TMEM135: variants seen among roughly 807,000 people sequenced by gnomAD.
TMEM135 encodes peroxisomal membrane protein 52.
TMEM135 carries 30 observed loss-of-function variants against 60.3 expected under a neutral mutation model. The observed-to-expected ratio is 0.50, with a 90% CI of 0.37 to 0.68. TMEM135 has a LOEUF of 0.68. Ranked by LOEUF, TMEM135 falls within the 30% of genes least tolerant of loss-of-function variation. The pLI, the probability that TMEM135 is intolerant of heterozygous loss-of-function variation, is 0.00. For synonymous variants in TMEM135, 190 were observed against 186.7 expected (o/e 1.02, Z -0.14); for missense variants, 468 against 548.8 (o/e 0.85, Z 1.47).
At chr11:87,191,000 A>G (rs1014562920) in intron 5 of TMEM135, among the ~76,000 whole-genome samples, 1 of 152,196 alleles carries the variant, frequency 6.6e-6, no homozygotes. Context: ...ATAGTTTACT[A>G]ATTTGCAACA....
intron 5 of TMEM135, among the ~76,000 whole-genome samples, chr11:87,229,653 A>G (rs1440749567): frequency 1.3e-5 from 2 of 152,158 alleles, no homozygotes; most frequent in Non-Finnish European, 2.9e-5. Flanking sequence ...GTATTTAGAA[A>G]TGTTTATTGC....
At chr11:87,124,605 T>G (rs761188166) in intron 4 of TMEM135, among the ~76,000 whole-genome samples, 6 of 152,208 alleles carry the variant, frequency 3.9e-5, no homozygotes, top group Non-Finnish European at 7.3e-5. Context: ...AAGGGTCGTG[T>G]GGAATAATCT....
chr11:87,093,596 T>C (rs1298594845), intron 4 of TMEM135, among the ~76,000 whole-genome samples: 1 of 152,110 alleles, frequency 6.6e-6, no homozygotes, highest in Non-Finnish European at 1.5e-5. Context: ...AGTGGTGTGA[T>C]ATTGGCTCAC....
At chr11:87,284,138 A>G (rs368759488) in intron 6 of TMEM135, among the ~76,000 whole-genome samples, 7 of 152,128 alleles carry the variant, frequency 4.6e-5, no homozygotes, top group African/African-American at 1.7e-4. Flanking sequence ...GTTGTTGCCT[A>G]TAGTTAATTT....
At chr11:87,229,326 A>T (rs979484245) in intron 5 of TMEM135, among the ~76,000 whole-genome samples, 1 of 151,992 alleles carries the variant, frequency 6.6e-6, no homozygotes, top group African/African-American at 2.4e-5. Flanking sequence ...CCAACCAGCC[A>T]ACCAAAAAAA....
intron 1 of TMEM135, among the ~76,000 whole-genome samples, chr11:87,064,141 C>T (rs1043903306): frequency 6.6e-6 from 1 of 152,092 alleles, no homozygotes; most frequent in African/African-American, 2.4e-5. Flanking sequence ...ACATTCCCAC[C>T]AGCACTTTAT....
intron 11 of TMEM135, among the ~76,000 whole-genome samples, chr11:87,313,903 T>G (rs1026583429): frequency 2.0e-5 from 3 of 151,870 alleles, no homozygotes; most frequent in African/African-American, 7.2e-5. Context: ...TTAAAAAATC[T>G]AAATATTATT....
chr11:87,169,231 C>T (rs1591073385), intron 5 of TMEM135, among the ~76,000 whole-genome samples: 2 of 148,656 alleles, frequency 1.3e-5, no homozygotes, highest in Non-Finnish European at 3.0e-5. Context: ...ACACAGCACA[C>T]TGATGGGTCT....
chr11:87,131,952 A>G (rs960831915), intron 4 of TMEM135, among the ~76,000 whole-genome samples: 6 of 152,066 alleles, frequency 3.9e-5, no homozygotes, highest in African/African-American at 7.2e-5. Flanking sequence ...TGAATTGCAC[A>G]TGTGAAGGAT....
intron 6 of TMEM135, among the ~76,000 whole-genome samples, chr11:87,262,497 T>C (rs141677419): frequency 1.3e-5 from 2 of 152,242 alleles, no homozygotes; most frequent in African/African-American, 2.4e-5. Context: ...CATTGGTTTA[T>C]TAGCCATTTC....
chr11:87,326,791 G>C lies in TMEM135; in HGVS notation c.*5458G>C, dbSNP rs1327010251. On this transcript the variant is annotated 3_prime_UTR_variant, in exon 15 of 15. Coordinates refer to ENST00000305494, the MANE Select transcript of TMEM135 (RefSeq NM_022918.4). ...AAGAAATTCAGTTGCATCTGAATCT[G>C]AGTCGGCAGTTTTTGATAGCCTGTC... The C allele has an allele frequency of 2.2e-6, 1 of 446,098 alleles. No homozygotes were observed. The highest frequency in any genetic ancestry group is 1.6e-5 in the South Asian group (1 of 62,122). The allele number at this position is 446,098 out of a possible 1,614,324, so 27.6% of individuals were successfully genotyped here.
chr11:87,318,553 A>G lies in TMEM135; in HGVS notation c.1176+318A>G, dbSNP rs374823147. Among the ~76,000 whole-genome samples the G allele has an allele frequency of 3.9e-5, 6 of 152,216 alleles. 1 individual carries two copies. Among genetic ancestry groups the G allele is most frequent in the African/African-American group, 1.4e-4 (6 of 41,552 alleles). ...TAATTATCCTTCCCTTTGATTAAAA[A>G]AAAAAGGATAATAGGGATATGCTGA... On this transcript the variant is annotated intron_variant, in intron 13 of 14. Transcript: ENST00000305494.
intron 5 of TMEM135, among the ~76,000 whole-genome samples, chr11:87,192,632 A>G (rs1328712841): frequency 1.3e-5 from 2 of 152,166 alleles, no homozygotes; most frequent in Non-Finnish European, 2.9e-5. Context: ...GATATCAGCT[A>G]TTATTTTATT....
intron 4 of TMEM135, among the ~76,000 whole-genome samples, chr11:87,101,943 A>G (rs1857467381): frequency 6.6e-6 from 1 of 152,170 alleles, no homozygotes; most frequent in Non-Finnish European, 1.5e-5. Context: ...ATTGCACTTC[A>G]GCCTGGGCAA....
At chr11:87,240,260 T>C (rs645710) in intron 6 of TMEM135, among the ~76,000 whole-genome samples, 99,729 of 151,494 alleles carry the variant, frequency 0.66, 33,392 homozygotes, top group Non-Finnish European at 0.71. Flanking sequence ...TGTATAATCT[T>C]AGTGGGCATT....
At chr11:87,041,839 T>A (rs1949752710) in intron 1 of TMEM135, among the ~76,000 whole-genome samples, 1 of 152,338 alleles carries the variant, frequency 6.6e-6, no homozygotes, top group South Asian at 2.1e-4. Flanking sequence ...TCTAGAGGCA[T>A]TTTGTGGCAG....
chr11:87,112,731 A>T (rs1054485846), intron 4 of TMEM135, among the ~76,000 whole-genome samples: 1 of 152,066 alleles, frequency 6.6e-6, no homozygotes, highest in Non-Finnish European at 1.5e-5. Flanking sequence ...TTTGGAAGAA[A>T]ATCGTGTAGG....
At chr11:87,141,069 A>T (rs1024283835) in intron 4 of TMEM135, among the ~76,000 whole-genome samples, 1 of 150,910 alleles carries the variant, frequency 6.6e-6, no homozygotes, top group Admixed American at 6.6e-5. Flanking sequence ...CATTGTTATG[A>T]CTATCTTGTA....
intron 7 of TMEM135, among the ~76,000 whole-genome samples, chr11:87,298,266 G>A (rs563061630): frequency 1.6e-3 from 242 of 152,248 alleles, no homozygotes; most frequent in South Asian, 8.3e-3. Context: ...GGTGAGGAAA[G>A]GATACTCAGA....
Sources: gnomAD v4.1 joint callset for allele counts (sites outside exome capture counted in the v4.1 genomes callset) on GRCh38, gnomAD v4.1.1 for gene constraint, MANE v1.5 for transcripts, NCBI Gene and HGNC (gene_info 2026-07-23, HGNC 2026-07-21) for gene names.